The following PCDHGB4 variants were observed in gnomAD, a reference collection of about 807,000 sequenced individuals.
PCDHGB4 encodes the protein protocadherin gamma-B4.
In PCDHGB4, 38 loss-of-function variants were observed where a neutral mutation model predicts 60.5. The ratio of observed to expected loss-of-function variants is 0.63; its 90% CI spans 0.48 to 0.82. The LOEUF is 0.82. Among genes scored for constraint, PCDHGB4 ranks in the 40% least tolerant of loss-of-function variants. The probability of loss-of-function intolerance (pLI) is 0.00; values close to 1 mark genes in which losing one functional copy is unlikely to be tolerated. For synonymous variants in PCDHGB4, 456 were observed against 509.7 expected, an observed-to-expected ratio of 0.89 and a Z score of 1.42; for missense variants, 1,109 against 1,209.6, an observed-to-expected ratio of 0.92 and a Z score of 1.23.
Position 141,490,004 on chromosome 5 carries a change from C to T in PCDHGB4, c.2398-4803C>T. On this transcript the variant is annotated intron_variant, in intron 1 of 3. Coordinates refer to ENST00000519479, the MANE Select transcript of PCDHGB4 (RefSeq NM_003736.4). This position sits in a 1 kb window ranked among gnomAD's most constrained non-coding sequence, Gnocchi z 5.4. ...CTACGTGTGGGAATCCCAGAGAATG[C>T]ACCCATTGGTACTCTGCTGCTCCGC... The T allele has an allele frequency of 1.9e-6, 3 of 1,614,174 alleles. No individual in the cohort carries two copies. Among genetic ancestry groups the T allele is most frequent in the Non-Finnish European group, 2.5e-6 (3 of 1,179,980 alleles).
At chr5:141,398,709 G>A (rs1202607096) in intron 1 of PCDHGB4, 1 of 1,613,714 alleles carries the variant, frequency 6.2e-7, no homozygotes, top group Non-Finnish European at 8.5e-7. Context: ...ACCCGGAACT[G>A]GCACTGGAGA....
At chr5:141,391,837 T>C (rs2092427916) in intron 1 of PCDHGB4, 1 of 152,236 alleles carries the variant, frequency 6.6e-6, no homozygotes, top group Non-Finnish European at 1.5e-5. Flanking sequence ...TTAGAATATA[T>C]GTAAAAGTCA....
At position 141,423,654 on chromosome 5, in the gene PCDHGB4, T is replaced by C. The variant is rs768410507; in HGVS notation, c.2397+33373T>C. The C allele has an allele frequency of 6.3e-6, 10 of 1,583,982 alleles. No individual in the cohort carries two copies. The Admixed American group carries it at 1.8e-4, about 28-fold the overall frequency. ...TTTTAGGCAAATGTGACCCGACAAG[T>C]AATCAGGTGAGATTTATTTCTCTGC... On this transcript the variant is annotated intron_variant, in intron 1 of 3. Transcript: ENST00000519479.
At chr5:141,456,919 C>G (rs2098898169) in intron 1 of PCDHGB4, among the ~76,000 whole-genome samples, 1 of 152,124 alleles carries the variant, frequency 6.6e-6, no homozygotes, top group African/African-American at 2.4e-5. Flanking sequence ...GCCGAGATCG[C>G]ACCACTGCAC....
At chr5:141,478,586 T>C (rs754157570) in intron 1 of PCDHGB4, 6 of 1,576,788 alleles carry the variant, frequency 3.8e-6, no homozygotes, top group Non-Finnish European at 3.4e-6. Context: ...GTTAGTGCTT[T>C]TTTATTCCTA....
Position 141,511,156 on chromosome 5 carries a change from A to G in PCDHGB4, c.2755A>G (p.Lys919Glu), listed in dbSNP as rs2099883637. 6.2e-7 allele frequency: 1 copy of G among 1,614,080 alleles called. No individual in the cohort carries two copies. The highest frequency in any genetic ancestry group is 1.3e-5 in the African/African-American group (1 of 74,940). Residue 919 changes from lysine (K) to glutamate (E), a missense_variant, in exon 4 of 4, where the codon AAG (lysine) becomes GAG (glutamate). By Grantham distance (56) the Lys-to-Glu change is moderately conservative (BLOSUM62 1). Around this residue, in one of 2 missense-constraint regions of PCDHGB4, gnomAD observed 1,068 missense variants for 1,089.9 expected, o/e 0.98. Transcript: ENST00000519479. ...CAATGGCAACAAGAAGAAGTCGGGC[A>G]AGAAGGAGAAGAAGTAACATGGAGG... is the stretch of plus-strand genomic sequence containing the variant. ...GGNGNKKKSG[K>E]KEKK
chr5:141,486,489 G>T lies in PCDHGB4; in HGVS notation c.2398-8318G>T. 2 of 1,614,060 alleles carry T rather than the reference G, an allele frequency of 1.2e-6. No homozygotes were observed. The highest frequency in any genetic ancestry group is 1.7e-6 in the Non-Finnish European group (2 of 1,179,892). ...GGGAACCCTCCTCTCAGTACCCACA[G>T]AACTATTTTCCTCAATATTTCAGAT... On this transcript the variant is annotated intron_variant, in intron 1 of 3. Coordinates refer to ENST00000519479, the MANE Select transcript of PCDHGB4 (RefSeq NM_003736.4). The surrounding 1 kb of genome is among the most constrained non-coding windows in gnomAD (Gnocchi z 5.0).
In PCDHGB4 at chr5:141,490,594, C is replaced by A. The variant is rs1276468877; in HGVS notation, c.2398-4213C>A. The A allele has an allele frequency of 2.5e-6, 4 of 1,614,056 alleles. No individual in the cohort carries two copies. The highest frequency in any genetic ancestry group is 1.6e-4 in the Middle Eastern group (1 of 6,084). On this transcript the variant is annotated intron_variant, in intron 1 of 3. Transcript: ENST00000519479. The surrounding 1 kb of genome is among the most constrained non-coding windows in gnomAD (Gnocchi z 5.4). ...CATTTCAGATGTCAATGACAATGCA[C>A]CCCGCTTCAACCAGCAGCTTTACAC...
intron 1 of PCDHGB4, chr5:141,405,392 TTC>T (rs1477182661): frequency 6.3e-7 from 1 of 1,595,986 alleles, no homozygotes; most frequent in Non-Finnish European, 8.5e-7. Flanking sequence ...TTCATTTTTT[TTC>T]TTTCTTTCTT....
intron 1 of PCDHGB4, chr5:141,433,226 C>G (rs1433770157): frequency 6.6e-7 from 1 of 1,514,890 alleles, no homozygotes; most frequent in Non-Finnish European, 9.0e-7. Context: ...TTTTTAATTG[C>G]TCTGTCTCCC....
At chr5:141,437,040 C>G (rs188070264) in intron 1 of PCDHGB4, among the ~76,000 whole-genome samples, 1 of 152,266 alleles carries the variant, frequency 6.6e-6, no homozygotes, top group African/African-American at 2.4e-5. Flanking sequence ...ATCACCGAAA[C>G]CAGAAGGCTG....
rs192631651 is a variant in PCDHGB4 at position 141,432,052 on chromosome 5, C to T, written c.2397+41771C>T. On this transcript the variant is annotated intron_variant, in intron 1 of 3. Transcript: ENST00000519479. This position sits in a 1 kb window ranked among gnomAD's most constrained non-coding sequence, Gnocchi z 6.0. ...CCGCCACTGACCGGGGAACCCCGCC[C>T]CTATCCACGGAAACTCATATCTCGC... is the stretch of plus-strand genomic sequence containing the variant. The T allele has an allele frequency of 1.2e-6, 2 of 1,614,108 alleles. No individual in the cohort carries two copies. The highest frequency in any genetic ancestry group is 1.3e-5 in the African/African-American group (1 of 74,930).
At chr5:141,429,735 T>C (rs911956546) in intron 1 of PCDHGB4, among the ~76,000 whole-genome samples, 1 of 152,202 alleles carries the variant, frequency 6.6e-6, no homozygotes. Flanking sequence ...ACGTAGCCAG[T>C]TATTTCTTAG....
Position 141,427,133 on chromosome 5 carries a change from A to AGAT in PCDHGB4, c.2397+36856_2397+36858dup, listed in dbSNP as rs370316028. 2.9e-4 allele frequency: 134 copies of AGAT among 457,190 alleles called. 1 individual carries two copies. The highest frequency in any genetic ancestry group is 2.4e-3 in the African/African-American group (123 of 50,216). The allele number at this position is 457,190 out of a possible 1,614,324, so 28.3% of individuals were successfully genotyped here. On this transcript the variant is annotated intron_variant, in intron 1 of 3. Transcript: ENST00000519479. ...TCACCTACTCTTTCAAATCCCTACG[A>AGAT]GATGATATTGGAAATATGTTTGTGC...
intron 1 of PCDHGB4, chr5:141,409,672 T>C (rs1411780634): frequency 2.5e-6 from 4 of 1,613,458 alleles, no homozygotes; most frequent in Non-Finnish European, 2.5e-6. Flanking sequence ...TCTCCTACTC[T>C]ATAGTGGCGA....
At chr5:141,502,621 A>G (rs918589202) in intron 2 of PCDHGB4, among the ~76,000 whole-genome samples, 3 of 152,162 alleles carry the variant, frequency 2.0e-5, no homozygotes, top group African/African-American at 7.2e-5. Context: ...AAATATAAGT[A>G]ATCTGTGGAT....
In PCDHGB4 at chr5:141,422,644, T is replaced by C. The variant is rs770618826; in HGVS notation, c.2397+32363T>C. 9 of 1,612,266 alleles carry C rather than the reference T, an allele frequency of 5.6e-6. No homozygotes were observed. The Admixed American group carries it at 1.5e-4, about 27-fold the overall frequency. ...AAACAACCCCAGGGGTGCCTCCATC[T>C]TCTCAGTGACCGCCCTCGACCCGGA... On this transcript the variant is annotated intron_variant, in intron 1 of 3. Coordinates refer to ENST00000519479, the MANE Select transcript of PCDHGB4 (RefSeq NM_003736.4).
At chr5:141,433,124 G>T in intron 1 of PCDHGB4, 5 of 1,614,136 alleles carry the variant, frequency 3.1e-6, no homozygotes, top group Non-Finnish European at 4.2e-6. Context: ...TGAAAAAAGC[G>T]AGCCCCTTTT....
At chr5:141,470,780 T>G (rs1436746772) in intron 1 of PCDHGB4, among the ~76,000 whole-genome samples, 1 of 152,194 alleles carries the variant, frequency 6.6e-6, no homozygotes, top group Non-Finnish European at 1.5e-5. Flanking sequence ...CTTGAATTCC[T>G]GGGCTCAAGC....
Sources: allele counts gnomAD v4.1 joint callset (sites outside exome capture counted in the v4.1 genomes callset), GRCh38; gene constraint gnomAD v4.1.1; regional missense constraint gnomAD v4.1.1; non-coding constraint Gnocchi (gnomAD v3.1); transcripts MANE v1.5; gene names NCBI Gene and HGNC (gene_info 2026-07-23, HGNC 2026-07-21).